Variants in CBLN2 observed in about 807,000 individuals in gnomAD.
The protein encoded by CBLN2 is cerebellin-2.
A neutral mutation model predicts 15.0 loss-of-function variants in CBLN2; 7 were observed. The ratio of observed to expected loss-of-function variants is 0.47; its 90% CI spans 0.27 to 0.88. The LOEUF (loss-of-function observed/expected upper bound fraction) is 0.88. Among genes scored for constraint, CBLN2 ranks in the 40% least tolerant of loss-of-function variants. The probability of loss-of-function intolerance (pLI) is 0.14; values close to 1 mark genes in which losing one functional copy is unlikely to be tolerated. For missense variants in CBLN2, 242 were observed against 304.5 expected, an observed-to-expected ratio of 0.79 and a Z score of 1.53; for synonymous variants, 149 against 135.2, an observed-to-expected ratio of 1.10 and a Z score of -0.71.
At chr18:72,630,357 T>C (rs1191926110) in intron 1 of CBLN2, among the ~76,000 whole-genome samples, 2 of 152,284 alleles carry the variant, frequency 1.3e-5, no homozygotes, top group East Asian at 3.9e-4. Flanking sequence ...GATATGTCAC[T>C]TGTCTATCTC....
At position 72,536,931 on chromosome 18, in the gene CBLN2, T is replaced by C. The variant is rs1240534875; in HGVS notation, c.*1245A>G. 6.6e-6 allele frequency: 1 copy of C among 152,610 alleles called. No individual in the cohort carries two copies. The highest frequency in any genetic ancestry group is 1.5e-5 in the Non-Finnish European group (1 of 68,072). The allele number at this position is 152,610 out of a possible 1,614,324, so 9.5% of individuals were successfully genotyped here. On this transcript the variant is annotated 3_prime_UTR_variant, in exon 5 of 5. Transcript: ENST00000269503. ...AGTGCTCCTGGGGTACCTCCACCAA[T>C]ATCTTTAACCACAGTGACTTTCAGG...
intron 1 of CBLN2, among the ~76,000 whole-genome samples, chr18:72,568,320 A>G (rs2069309875): frequency 6.6e-6 from 1 of 152,152 alleles, no homozygotes; most frequent in Non-Finnish European, 1.5e-5. Context: ...GTTTCTGTTT[A>G]TTAAGGTTAC....
At position 72,635,042 on chromosome 18, in the gene CBLN2, T is replaced by C. The variant is rs542737736; in HGVS notation, c.15+3283A>G. Among the ~76,000 whole-genome samples, 5 of 152,198 alleles carry C rather than the reference T, an allele frequency of 3.3e-5. No individual in the cohort carries two copies. In the South Asian group the frequency reaches 1.0e-3, roughly 31 times the overall value. On this transcript the variant is annotated intron_variant, in intron 1 of 2. Transcript: ENST00000581073. Reference sequence around the variant, plus strand: ...TGCTTTCCTGAGGGCATGGGTTGTCTGAGCAATGCCTTTACTCATATTTTT... The same window carrying C: ...TGCTTTCCTGAGGGCATGGGTTGTCCGAGCAATGCCTTTACTCATATTTTT...
chr18:72,627,362 A>G (rs993646415), intron 1 of CBLN2, among the ~76,000 whole-genome samples: 1 of 152,218 alleles, frequency 6.6e-6, no homozygotes, highest in Non-Finnish European at 1.5e-5. Flanking sequence ...TTTTATATCT[A>G]TATGAGGGCT....
intron 1 of CBLN2, among the ~76,000 whole-genome samples, chr18:72,563,272 G>T (rs2069273474): frequency 6.6e-6 from 1 of 152,134 alleles, no homozygotes. Context: ...AATGGTCAAA[G>T]TTTTCTCAAA....
chr18:72,616,255 A>C (rs1444011227), intron 1 of CBLN2, among the ~76,000 whole-genome samples: 1 of 152,224 alleles, frequency 6.6e-6, no homozygotes, highest in Non-Finnish European at 1.5e-5. Flanking sequence ...CCCTTGTTTC[A>C]TAAGGCCCCA....
At chr18:72,550,288 G>T (rs1390185328) in intron 1 of CBLN2, among the ~76,000 whole-genome samples, 1 of 152,140 alleles carries the variant, frequency 6.6e-6, no homozygotes, top group Non-Finnish European at 1.5e-5. Context: ...TCTCCAATAA[G>T]CCTAAACATT....
chr18:72,634,119 C>CACAATAAAGG (rs1406393919), intron 1 of CBLN2, among the ~76,000 whole-genome samples: 1 of 151,918 alleles, frequency 6.6e-6, no homozygotes. Flanking sequence ...GGAAATGTTT[C>CACAATAAAGG]TATGGCATGC....
At chr18:72,567,360 C>T (rs1302787231) in intron 1 of CBLN2, among the ~76,000 whole-genome samples, 1 of 152,098 alleles carries the variant, frequency 6.6e-6, no homozygotes, top group Non-Finnish European at 1.5e-5. Flanking sequence ...CAAAGCTCTT[C>T]CTAAAATGTA....
At chr18:72,615,425 C>T (rs112203225) in intron 1 of CBLN2, among the ~76,000 whole-genome samples, 6,145 of 150,994 alleles carry the variant, frequency 0.041, 181 homozygotes, top group Non-Finnish European at 0.05. Context: ...TACAGCCATG[C>T]GCCACCATGC....
intron 1 of CBLN2, among the ~76,000 whole-genome samples, chr18:72,630,517 C>T (rs1036063524): frequency 7.0e-6 from 1 of 142,858 alleles, no homozygotes; most frequent in East Asian, 2.0e-4. Context: ...CACACACACA[C>T]ACACCCTGCA....
chr18:72,558,947 C>G (rs2069243195), intron 1 of CBLN2, among the ~76,000 whole-genome samples: 1 of 152,122 alleles, frequency 6.6e-6, no homozygotes, highest in African/African-American at 2.4e-5. Flanking sequence ...CCCAGCTACT[C>G]TGGAGTCGGG....
At chr18:72,558,857 C>G (rs995522485) in intron 1 of CBLN2, among the ~76,000 whole-genome samples, 18 of 152,090 alleles carry the variant, frequency 1.2e-4, no homozygotes, top group Non-Finnish European at 2.1e-4. Flanking sequence ...AGTTCAAGAC[C>G]AACCTGGCCA....
intron 1 of CBLN2, among the ~76,000 whole-genome samples, chr18:72,625,400 C>T (rs1198264107): frequency 6.6e-6 from 1 of 151,956 alleles, no homozygotes; most frequent in African/African-American, 2.4e-5. Flanking sequence ...CTCCTTGTTC[C>T]TTCTTAATGT....
intron 1 of CBLN2, among the ~76,000 whole-genome samples, chr18:72,570,986 A>G (rs2069328935): frequency 6.6e-6 from 1 of 152,034 alleles, no homozygotes; most frequent in South Asian, 2.1e-4. Flanking sequence ...TATACCTTAT[A>G]TCTCTCTCTA....
intron 1 of CBLN2, among the ~76,000 whole-genome samples, chr18:72,574,825 C>A (rs922513665): frequency 6.6e-6 from 1 of 152,278 alleles, no homozygotes; most frequent in South Asian, 2.1e-4. Flanking sequence ...TACCATGAAT[C>A]GCTAACGACA....
At chr18:72,577,335 C>T (rs746041223) in intron 1 of CBLN2, among the ~76,000 whole-genome samples, 3 of 151,888 alleles carry the variant, frequency 2.0e-5, no homozygotes, top group East Asian at 3.9e-4. Flanking sequence ...CATTTTAAAA[C>T]GAATAGATGA....
intron 1 of CBLN2, among the ~76,000 whole-genome samples, chr18:72,631,381 C>A (rs1334005607): frequency 9.9e-5 from 15 of 151,630 alleles, no homozygotes; most frequent in Non-Finnish European, 1.5e-5. Flanking sequence ...AACATTGAAG[C>A]CTGATTCTAT....
At chr18:72,625,818 CTATATATA>C (rs56391046) in intron 1 of CBLN2, among the ~76,000 whole-genome samples, 921 of 57,372 alleles carry the variant, frequency 0.016, 17 homozygotes, top group East Asian at 0.11. Context: ...CTCTCTCTCT[CTATATATA>C]TATATATATA....
Sources: gnomAD v4.1 joint callset for allele counts (sites outside exome capture counted in the v4.1 genomes callset) on GRCh38, gnomAD v4.1.1 for gene constraint, MANE v1.5 for transcripts, NCBI Gene and HGNC (gene_info 2026-07-23, HGNC 2026-07-21) for gene names.